The following PPM1H variants were observed in gnomAD, a reference collection of about 807,000 sequenced individuals.
PPM1H encodes the protein protein phosphatase, Mg2+/Mn2+ dependent 1H, also known as protein phosphatase 1H.
PPM1H carries 27 observed loss-of-function variants against 54.9 expected under a neutral mutation model. The ratio of observed to expected loss-of-function variants is 0.49; its 90% CI spans 0.36 to 0.68. The LOEUF is 0.68. PPM1H is among the 30% of genes least tolerant of loss of function. PPM1H has a pLI of 0.00. For missense variants in PPM1H, 596 were observed against 667.8 expected, an observed-to-expected ratio of 0.89 and a Z score of 1.19; for synonymous variants, 305 against 270.8, an observed-to-expected ratio of 1.13 and a Z score of -1.24.
At chr12:62,834,348 A>G (rs1161089309) in intron 1 of PPM1H, among the ~76,000 whole-genome samples, 2 of 152,208 alleles carry the variant, frequency 1.3e-5, no homozygotes, top group African/African-American at 4.8e-5. Flanking sequence ...TAGGGACACA[A>G]TGAGGCTACC....
chr12:62,927,374 T>C (rs1020703800), intron 1 of PPM1H, among the ~76,000 whole-genome samples: 2 of 152,146 alleles, frequency 1.3e-5, no homozygotes, highest in Admixed American at 1.3e-4. Context: ...GAATATATGT[T>C]GGAGGCCGGG....
intron 1 of PPM1H, among the ~76,000 whole-genome samples, chr12:62,932,794 C>T (rs1872188057): frequency 6.6e-6 from 1 of 151,566 alleles, no homozygotes; most frequent in African/African-American, 2.4e-5. Flanking sequence ...GCCACCACGC[C>T]CGGCTAATTT....
chr12:62,715,477 G>A (rs145128406), intron 6 of PPM1H, among the ~76,000 whole-genome samples: 40 of 152,222 alleles, frequency 2.6e-4, no homozygotes, highest in South Asian at 6.2e-4. Flanking sequence ...CCAGGGAAGA[G>A]GCCAACTGCA....
chr12:62,814,539 C>T (rs1053392674), intron 2 of PPM1H, among the ~76,000 whole-genome samples: 33 of 152,136 alleles, frequency 2.2e-4, no homozygotes, highest in African/African-American at 6.0e-4. Flanking sequence ...TTTTAACTTA[C>T]GATTTGGAGA....
intron 7 of PPM1H, 68 bp downstream of exon 7, chr12:62,693,868 C>CGGGCTATGTGGAGCGA: frequency 7.1e-7 from 1 of 1,416,692 alleles, no homozygotes; most frequent in East Asian, 2.3e-5. Context: ...CGGACTGCCA[C>CGGGCTATGTGGAGCGA]GGGCTATGTG....
intron 1 of PPM1H, among the ~76,000 whole-genome samples, chr12:62,866,201 CCTGTCCTTTTGATGT>C (rs1394983621): frequency 2.0e-4 from 31 of 152,122 alleles, no homozygotes; most frequent in Non-Finnish European, 8.8e-5. Context: ...GCTCCCCGAC[CCTGTCCTTTTGATGT>C]CTTGCTATCC....
chr12:62,899,888 C>T (rs1405375878), intron 1 of PPM1H, among the ~76,000 whole-genome samples: 1 of 152,126 alleles, frequency 6.6e-6, no homozygotes. Context: ...AATGGTATTA[C>T]GAAGGTGAGG....
chr12:62,913,980 G>A (rs772569), intron 1 of PPM1H, among the ~76,000 whole-genome samples: 49,625 of 152,038 alleles, frequency 0.33, 9,704 homozygotes, highest in Non-Finnish European at 0.45. Flanking sequence ...GATTACAGGC[G>A]TGAGCAACCA....
At chr12:62,807,872 C>T (rs891470123) in intron 2 of PPM1H, among the ~76,000 whole-genome samples, 1 of 152,228 alleles carries the variant, frequency 6.6e-6, no homozygotes, top group East Asian at 1.9e-4. Context: ...AGGTCTTGCT[C>T]TGTCACCCAG....
intron 1 of PPM1H, among the ~76,000 whole-genome samples, chr12:62,838,652 T>G: frequency 9.8e-6 from 1 of 102,516 alleles, no homozygotes; most frequent in African/African-American, 5.0e-5. Flanking sequence ...CCGGGCGCGG[T>G]GGCTCACGCC....
At chr12:62,707,338 CT>C (rs2076181721) in intron 6 of PPM1H, among the ~76,000 whole-genome samples, 1 of 152,200 alleles carries the variant, frequency 6.6e-6, no homozygotes, top group Non-Finnish European at 1.5e-5. Context: ...CTACTGGCAC[CT>C]TATGAACAGT....
At chr12:62,775,849 G>A (rs896993620) in intron 4 of PPM1H, among the ~76,000 whole-genome samples, 3 of 152,300 alleles carry the variant, frequency 2.0e-5, no homozygotes, top group Non-Finnish European at 2.9e-5. Flanking sequence ...GTTCAAGGCT[G>A]TATTAGTCTG....
chr12:62,807,983 A>C (rs1280124509), intron 2 of PPM1H, among the ~76,000 whole-genome samples: 1 of 152,178 alleles, frequency 6.6e-6, no homozygotes, highest in African/African-American at 2.4e-5. Context: ...GACTACAGGC[A>C]TGTGCCACCA....
chr12:62,780,535 G>A (rs977485783), intron 4 of PPM1H, among the ~76,000 whole-genome samples: 1 of 152,128 alleles, frequency 6.6e-6, no homozygotes, highest in Admixed American at 6.6e-5. Flanking sequence ...TTAAGTCCTG[G>A]GCTCAAATGA....
At chr12:62,803,612 G>C (rs989755319) in intron 2 of PPM1H, among the ~76,000 whole-genome samples, 1 of 152,020 alleles carries the variant, frequency 6.6e-6, no homozygotes, top group Non-Finnish European at 1.5e-5. Flanking sequence ...AAACATGGGG[G>C]AAAAAAACTC....
At chr12:62,822,277 A>G (rs1432225613) in intron 2 of PPM1H, among the ~76,000 whole-genome samples, 1 of 152,210 alleles carries the variant, frequency 6.6e-6, no homozygotes, top group African/African-American at 2.4e-5. Context: ...GGACCTACAA[A>G]GAGACTTAGA....
chr12:62,871,683 T>G (rs898440045), intron 1 of PPM1H, among the ~76,000 whole-genome samples: 2 of 151,964 alleles, frequency 1.3e-5, no homozygotes, highest in Non-Finnish European at 2.9e-5. Context: ...TCTGGCTAGT[T>G]TTTTGTATTT....
intron 1 of PPM1H, among the ~76,000 whole-genome samples, chr12:62,891,059 A>C (rs1870777623): frequency 6.7e-6 from 1 of 148,474 alleles, no homozygotes; most frequent in African/African-American, 2.5e-5. Flanking sequence ...CAGTGAGCCA[A>C]GATCACGCCA....
chr12:62,872,099 C>T (rs762197500), intron 1 of PPM1H, among the ~76,000 whole-genome samples: 2 of 152,220 alleles, frequency 1.3e-5, no homozygotes, highest in Admixed American at 6.5e-5. Flanking sequence ...GTAATCTCAT[C>T]AGAATTTCTG....
Sources: allele counts gnomAD v4.1 joint callset (sites outside exome capture counted in the v4.1 genomes callset), GRCh38; gene constraint gnomAD v4.1.1; transcripts MANE v1.5; gene names NCBI Gene and HGNC (gene_info 2026-07-23, HGNC 2026-07-21).